The following INPP5B variants were observed in gnomAD, a reference collection of about 807,000 sequenced individuals.
INPP5B encodes inositol polyphosphate-5-phosphatase B.
A neutral mutation model predicts 118.5 loss-of-function variants in INPP5B; 90 were observed. That is an observed-to-expected ratio of 0.76 (90% confidence interval 0.64 to 0.90). The LOEUF (loss-of-function observed/expected upper bound fraction) is 0.90. Among genes scored for constraint, INPP5B ranks in the 40% least tolerant of loss-of-function variants. The pLI is 0.00. For missense variants in INPP5B, 984 were observed against 1,125.6 expected (o/e 0.87, Z 1.80); for synonymous variants, 385 against 418.9 (o/e 0.92, Z 0.99).
Position 37,913,595 on chromosome 1 carries a change from AC to A in INPP5B, c.532+18317del, listed in dbSNP as rs541608505. On this transcript the variant is annotated intron_variant, in intron 7 of 23. Coordinates refer to ENST00000373024, the MANE Select transcript of INPP5B (RefSeq NM_005540.3). ...CTCCTTCTAACAACCCCACAATATC[AC>A]CCCCTACCCCAAAATCTTTCTTCAG... Among the ~76,000 whole-genome samples, 367 of 151,054 alleles carry A rather than the reference AC, an allele frequency of 2.4e-3. 1 individual carries two copies. Among genetic ancestry groups the A allele is most frequent in the African/African-American group, 8.0e-3 (328 of 41,130 alleles).
Position 37,875,764 on chromosome 1 carries a change from C to G in INPP5B, c.1678-48G>C, listed in dbSNP as rs201515752. The G allele has an allele frequency of 1.2e-5, 17 of 1,407,274 alleles. No individual in the cohort carries two copies. In the South Asian group the frequency reaches 2.0e-4, roughly 16 times the overall value. The allele number at this position is 1,407,274 out of a possible 1,614,324, so 87.2% of individuals were successfully genotyped here. On this transcript the variant is annotated intron_variant, in intron 16 of 23. Transcript: ENST00000373024. ...TGAGTACCTTGGCTTCTGCCCATTT[C>G]CTCTTTCTCAGTATAGACGGCATTC...
intron 11 of INPP5B, 55 bp from the exon 12 acceptor site, chr1:37,887,059 C>A (rs1431021987): frequency 1.4e-6 from 2 of 1,408,090 alleles, no homozygotes; most frequent in South Asian, 1.2e-5. Flanking sequence ...ATAAATACCC[C>A]AAAGGAAACA....
At chr1:37,874,520 T>A (rs1409464301) in intron 17 of INPP5B, among the ~76,000 whole-genome samples, 6 of 152,216 alleles carry the variant, frequency 3.9e-5, no homozygotes, top group African/African-American at 1.4e-4. Flanking sequence ...CATCTGCGGC[T>A]GCCACAGTGG....
chr1:37,941,013 A>G (rs993081316), intron 5 of INPP5B, among the ~76,000 whole-genome samples: 1 of 152,108 alleles, frequency 6.6e-6, no homozygotes, highest in Admixed American at 6.6e-5. Context: ...GAGGCAGAAG[A>G]AGGCTCTGAA....
intron 7 of INPP5B, chr1:37,930,192 G>A (rs150881286): frequency 4.6e-5 from 7 of 152,004 alleles, no homozygotes; most frequent in Non-Finnish European, 1.0e-4. Flanking sequence ...CAAGTGGCTG[G>A]GACTACAGGT....
Position 37,880,070 on chromosome 1 carries a change from C to G in INPP5B, c.1541+15G>C. On this transcript the variant is annotated intron_variant, in intron 15 of 23. Transcript: ENST00000373024. ...TTTCCGTTTGCTCAACCCTTTGAAG[C>G]AACCTCTGACCTACCTGGTATCCCA... 6.4e-7 allele frequency: 1 copy of G among 1,572,212 alleles called. No homozygotes were observed. Among genetic ancestry groups the G allele is most frequent in the Admixed American group, 1.7e-5 (1 of 58,306 alleles).
At chr1:37,945,167 A>T (rs1646071719) in intron 3 of INPP5B, among the ~76,000 whole-genome samples, 1 of 151,918 alleles carries the variant, frequency 6.6e-6, no homozygotes, top group South Asian at 2.1e-4. Context: ...ACGCTGGCTC[A>T]TGCCTGTAAT....
intron 7 of INPP5B, among the ~76,000 whole-genome samples, chr1:37,909,532 C>G (rs1471629017): frequency 6.6e-6 from 1 of 152,174 alleles, no homozygotes. Context: ...TTTTCTTTAT[C>G]CAACCTCTCC....
intron 7 of INPP5B, among the ~76,000 whole-genome samples, chr1:37,913,081 T>G (rs1644755272): frequency 1.3e-5 from 2 of 151,840 alleles, no homozygotes; most frequent in African/African-American, 4.8e-5. Flanking sequence ...CACAGTGAAA[T>G]TCTGTCTCTA....
At chr1:37,885,025 G>T (rs976296624) in intron 13 of INPP5B, 1 of 152,188 alleles carries the variant, frequency 6.6e-6, no homozygotes, top group Non-Finnish European at 1.5e-5. Flanking sequence ...TCTAGAGTGT[G>T]CTTGCTTTGG....
rs1004687256 is a variant in INPP5B, at chr1:37,860,712, A to G, written c.*1603T>C. On this transcript the variant is annotated 3_prime_UTR_variant, in exon 24 of 24. Transcript: ENST00000373024. Reference sequence around the variant, plus strand: ...ACACAACCGCCACTGTTAAAAATACATTTATCATTAAAATATATTACACAT... The same window carrying G: ...ACACAACCGCCACTGTTAAAAATACGTTTATCATTAAAATATATTACACAT... The G allele has an allele frequency of 6.6e-6, 1 of 152,226 alleles. No individual in the cohort carries two copies. Among genetic ancestry groups the G allele is most frequent in the Non-Finnish European group, 1.5e-5 (1 of 68,030 alleles). The allele number at this position is 152,226 out of a possible 1,614,324, so 9.4% of individuals were successfully genotyped here. A position where few individuals can be genotyped will look rare whatever the true frequency, so the allele number is the denominator to read the frequency against.
chr1:37,912,471 T>C (rs141416653), intron 7 of INPP5B, among the ~76,000 whole-genome samples: 37 of 152,276 alleles, frequency 2.4e-4, no homozygotes, highest in African/African-American at 8.9e-4. Flanking sequence ...CTTACCCTAC[T>C]TTTTGCAATA....
chr1:37,885,875 T>A (rs781547342), intron 12 of INPP5B, 50 bp from the exon 13 acceptor site: 14 of 1,565,724 alleles, frequency 8.9e-6, no homozygotes, highest in Non-Finnish European at 1.1e-5. Flanking sequence ...ATTGTGTCAG[T>A]CACTTAAACC....
intron 7 of INPP5B, among the ~76,000 whole-genome samples, chr1:37,908,227 G>T: frequency 6.6e-6 from 1 of 152,126 alleles, no homozygotes. Flanking sequence ...CAGGACAGGA[G>T]GACTCCTTCA....
chr1:37,928,300 A>C (rs1645317699), intron 7 of INPP5B, among the ~76,000 whole-genome samples: 1 of 152,102 alleles, frequency 6.6e-6, no homozygotes, highest in African/African-American at 2.4e-5. Flanking sequence ...CAGCCTCCCA[A>C]GTAGCAGGGA....
At chr1:37,888,786 A>G (rs922247883) in intron 9 of INPP5B, among the ~76,000 whole-genome samples, 2 of 152,254 alleles carry the variant, frequency 1.3e-5, no homozygotes, top group Admixed American at 6.5e-5. Flanking sequence ...GTCCCAATGC[A>G]ACGATTTTGA....
At chr1:37,931,619 G>T (rs1383511961) in intron 7 of INPP5B, 3 of 1,536,490 alleles carry the variant, frequency 2.0e-6, no homozygotes, top group Admixed American at 3.9e-5. Context: ...AGGGCCGGGC[G>T]CACCGCCGCC....
intron 7 of INPP5B, among the ~76,000 whole-genome samples, chr1:37,899,719 CT>C (rs58118510): frequency 0.58 from 84,076 of 143,874 alleles, 26,463 homozygotes; most frequent in Non-Finnish European, 0.73. Context: ...TCCATTTCAT[CT>C]TTTTTTTTTT....
Position 37,874,106 on chromosome 1 carries a change from G to A in INPP5B, c.1838C>T (p.Thr613Ile), listed in dbSNP as rs201690475. ...KYMQLKVESFTIHNGQVPCHF... is the reference protein window; with the variant it reads ...KYMQLKVESFIIHNGQVPCHF... ...ACAGGGTACTTGTCCATTATGAATT[G>A]TAAAGGATTCTACTTTCAATTGCAT... The change falls in exon 18 of 24, where the codon ACA becomes ATA. Residue 613 changes from threonine to isoleucine, a missense_variant. Transcript: ENST00000373024. 1 of 1,600,360 alleles carries A rather than the reference G, an allele frequency of 6.2e-7. No individual in the cohort carries two copies.
Sources: allele counts gnomAD v4.1 joint callset (sites outside exome capture counted in the v4.1 genomes callset), GRCh38; gene constraint gnomAD v4.1.1; transcripts MANE v1.5; gene names NCBI Gene and HGNC (gene_info 2026-07-23, HGNC 2026-07-21).